The following CAMTA1 variants were observed in gnomAD, a reference collection of about 807,000 sequenced individuals.
CAMTA1 encodes calmodulin-binding transcription activator 1.
A neutral mutation model predicts 170.9 loss-of-function variants in CAMTA1; 27 were observed. The ratio of observed to expected loss-of-function variants is 0.16; its 90% CI spans 0.12 to 0.22. CAMTA1 has a LOEUF of 0.22. Among genes scored for constraint, CAMTA1 ranks in the 10% least tolerant of loss-of-function variants. The probability of loss-of-function intolerance (pLI) is 1.00; values close to 1 mark genes in which losing one functional copy is unlikely to be tolerated. For missense variants in CAMTA1, 1,619 were observed against 2,217.2 expected (o/e 0.73, Z 5.42); for synonymous variants, 833 against 891.5 (o/e 0.93, Z 1.17).
intron 7 of CAMTA1, among the ~76,000 whole-genome samples, chr1:7,653,325 G>A (rs1416690468): frequency 2.0e-5 from 3 of 152,096 alleles, no homozygotes; most frequent in Non-Finnish European, 4.4e-5. Flanking sequence ...GCAGTGGCCC[G>A]ATCACAGCTC....
intron 22 of CAMTA1, among the ~76,000 whole-genome samples, chr1:7,759,865 C>T (rs2096961491): frequency 6.6e-6 from 1 of 152,160 alleles, no homozygotes; most frequent in Non-Finnish European, 1.5e-5. Flanking sequence ...CAGAAAATGT[C>T]TTTCCACTTC....
intron 3 of CAMTA1, among the ~76,000 whole-genome samples, chr1:6,939,221 G>A (rs185095484): frequency 6.6e-6 from 1 of 152,318 alleles, no homozygotes; most frequent in East Asian, 1.9e-4. Flanking sequence ...TTCAGCAGGG[G>A]AACTGCGGGC....
chr1:6,812,834 T>C (rs1175592171), intron 1 of CAMTA1, among the ~76,000 whole-genome samples: 1 of 152,250 alleles, frequency 6.6e-6, no homozygotes, highest in African/African-American at 2.4e-5. Flanking sequence ...TATTAGTTCC[T>C]GTGTCAGCCT....
chr1:7,326,117 C>T (rs1200707532), intron 5 of CAMTA1, among the ~76,000 whole-genome samples: 3 of 152,162 alleles, frequency 2.0e-5, no homozygotes, highest in African/African-American at 7.2e-5. Context: ...CCTCAGCCTC[C>T]CAAACTGTTG....
chr1:6,937,522 C>T (rs111161891), intron 3 of CAMTA1, among the ~76,000 whole-genome samples: 12 of 115,338 alleles, frequency 1.0e-4, no homozygotes, highest in Non-Finnish European at 1.3e-4. Context: ...CTATCATCAC[C>T]ATCACCATCA....
At chr1:7,367,006 CCT>C (rs1182505202) in intron 5 of CAMTA1, among the ~76,000 whole-genome samples, 1 of 152,124 alleles carries the variant, frequency 6.6e-6, no homozygotes, top group Admixed American at 6.5e-5. Context: ...CTGCTGCCTC[CCT>C]CTCTGTGCCA....
intron 3 of CAMTA1, among the ~76,000 whole-genome samples, chr1:6,982,720 C>G (rs899311696): frequency 6.6e-6 from 1 of 152,138 alleles, no homozygotes; most frequent in African/African-American, 2.4e-5. Context: ...TGCCTAGGAC[C>G]CCCTCCTGGC....
chr1:6,902,079 A>AAT (rs1557793785), intron 3 of CAMTA1, among the ~76,000 whole-genome samples: 1 of 75,198 alleles, frequency 1.3e-5, no homozygotes, highest in African/African-American at 3.8e-5. Context: ...ACACAAAAAA[A>AAT]AAAATAAAAA....
chr1:7,082,017 C>T (rs1308416632), intron 3 of CAMTA1, among the ~76,000 whole-genome samples: 1 of 152,202 alleles, frequency 6.6e-6, no homozygotes, highest in Non-Finnish European at 1.5e-5. Context: ...AAACATTCAG[C>T]TTTGTTCCAT....
At chr1:7,623,724 C>T (rs1304381764) in intron 6 of CAMTA1, among the ~76,000 whole-genome samples, 1 of 152,230 alleles carries the variant, frequency 6.6e-6, no homozygotes, top group Non-Finnish European at 1.5e-5. Flanking sequence ...TCTCAAACTC[C>T]TGACCTCAGG....
intron 4 of CAMTA1, among the ~76,000 whole-genome samples, chr1:7,194,846 TGTG>T (rs1655214833): frequency 6.6e-6 from 1 of 152,260 alleles, no homozygotes; most frequent in Non-Finnish European, 1.5e-5. Flanking sequence ...CTTAGAATTC[TGTG>T]ATTTTTATTT....
At position 7,665,053 on chromosome 1, in the gene CAMTA1, T is replaced by C. The variant is rs1174131940; in HGVS notation, c.2506T>C (p.Ser836Pro). The C allele has an allele frequency of 1.3e-6, 2 of 1,576,088 alleles. No individual in the cohort carries two copies. The highest frequency in any genetic ancestry group is 2.7e-5 in the African/African-American group (2 of 74,238). The part of the protein sequence containing the change: ...PQQGSLQLSS[S>P]EGGASTMAYM... ...GCAGGGTAGCCTGCAGCTGAGCAGC[T>C]CGGAGGGCGGGGCCAGCACCATGGC... The change falls in exon 9 of 23, where the codon TCG (serine) becomes CCG (proline). Residue 836 changes from serine (S) to proline (P), a missense_variant. Transcript: ENST00000303635. This position sits in a 1 kb window ranked among gnomAD's most constrained non-coding sequence, Gnocchi z 4.3.
intron 5 of CAMTA1, among the ~76,000 whole-genome samples, chr1:7,436,679 C>T (rs544651207): frequency 4.6e-5 from 7 of 152,164 alleles, no homozygotes; most frequent in Admixed American, 6.5e-5. Flanking sequence ...TTGCCCTTCC[C>T]GGGCCTGTGG....
At chr1:7,222,217 TTG>T (rs1660916931) in intron 4 of CAMTA1, among the ~76,000 whole-genome samples, 1 of 152,108 alleles carries the variant, frequency 6.6e-6, no homozygotes, top group Non-Finnish European at 1.5e-5. Context: ...CCCATGAGCA[TTG>T]TGTCAGACAG....
At chr1:6,858,783 C>T (rs113680544) in intron 3 of CAMTA1, among the ~76,000 whole-genome samples, 40 of 152,214 alleles carry the variant, frequency 2.6e-4, no homozygotes, top group African/African-American at 8.7e-4. Flanking sequence ...ACCCCAGTGT[C>T]GTAACTTTGC....
rs995042504 is a variant in CAMTA1, at chr1:7,732,655, G to A, written c.3066+56G>A. ...TTTCGCTTCATGTTTATGGATTGGC[G>A]AGGCAGTGGATGGATCACAGGCCTC... is the stretch of plus-strand genomic sequence containing the variant. On this transcript the variant is annotated intron_variant, in intron 12 of 22. Coordinates refer to ENST00000303635, the MANE Select transcript of CAMTA1 (RefSeq NM_015215.4). The surrounding 1 kb of genome is among the most constrained non-coding windows in gnomAD (Gnocchi z 4.1). 2.4e-5 allele frequency: 36 copies of A among 1,506,066 alleles called. No homozygotes were observed. In the African/African-American group the frequency reaches 3.7e-4, roughly 16 times the overall value. 93.3% of individuals were successfully genotyped at this position (1,506,066 alleles called of 1,614,324 possible). A position where few individuals can be genotyped will look rare whatever the true frequency, so the allele number is the denominator to read the frequency against.
At chr1:6,867,091 G>A (rs1666809947) in intron 3 of CAMTA1, among the ~76,000 whole-genome samples, 2 of 152,154 alleles carry the variant, frequency 1.3e-5, no homozygotes, top group Non-Finnish European at 2.9e-5. Flanking sequence ...GGCATACTAA[G>A]TTGTGCATTG....
At chr1:6,915,978 T>C (rs1680695975) in intron 3 of CAMTA1, among the ~76,000 whole-genome samples, 1 of 152,160 alleles carries the variant, frequency 6.6e-6, no homozygotes, top group African/African-American at 2.4e-5. Flanking sequence ...AGCTGCTTTC[T>C]GGTGGGTCCC....
intron 5 of CAMTA1, among the ~76,000 whole-genome samples, chr1:7,454,064 T>A (rs2092893776): frequency 6.6e-6 from 1 of 152,232 alleles, no homozygotes; most frequent in African/African-American, 2.4e-5. Context: ...GGGGAGGGGA[T>A]CCCAGAGCTT....
Sources: allele counts gnomAD v4.1 joint callset (sites outside exome capture counted in the v4.1 genomes callset), GRCh38; gene constraint gnomAD v4.1.1; non-coding constraint Gnocchi (gnomAD v3.1); transcripts MANE v1.5; gene names NCBI Gene and HGNC (gene_info 2026-07-23, HGNC 2026-07-21).